Variants in SYNCRIP observed in about 807,000 individuals in gnomAD.
The protein encoded by SYNCRIP is synaptotagmin binding cytoplasmic RNA interacting protein, also known as heterogeneous nuclear ribonucleoprotein Q.
SYNCRIP carries 9 observed loss-of-function variants against 68.9 expected under a neutral mutation model. That is an observed-to-expected ratio of 0.13 (90% CI 0.08 to 0.23). The LOEUF (loss-of-function observed/expected upper bound fraction) is 0.23, where lower values mean the gene tolerates loss of function less well. SYNCRIP is among the 10% of genes least tolerant of loss of function. The pLI is 1.00. For synonymous variants in SYNCRIP, 258 were observed against 254.0 expected (o/e 1.02, Z -0.15); for missense variants, 414 against 770.6 (o/e 0.54, Z 5.48).
chr6:85,638,648 CACTA>C (rs756926007), intron 4 of SYNCRIP, among the ~76,000 whole-genome samples: 15 of 152,242 alleles, frequency 9.9e-5, no homozygotes, highest in African/African-American at 2.6e-4. Context: ...ACTCAAAGGA[CACTA>C]ACTGTTTATG....
chr6:85,634,366 G>A (rs1320528173), intron 6 of SYNCRIP, among the ~76,000 whole-genome samples: 1 of 152,118 alleles, frequency 6.6e-6, no homozygotes, highest in Non-Finnish European at 1.5e-5. Context: ...CATTTTGACG[G>A]CAAGAATTAG....
chr6:85,638,223 A>T (rs1161670753), intron 4 of SYNCRIP, among the ~76,000 whole-genome samples: 2 of 151,932 alleles, frequency 1.3e-5, no homozygotes, highest in Non-Finnish European at 2.9e-5. Context: ...AATACAAAAA[A>T]TTAGCCAGGC....
chr6:85,619,526 G>T, intron 8 of SYNCRIP, 109 bp from the exon 9 acceptor site: 5 of 956,376 alleles, frequency 5.2e-6, no homozygotes, highest in South Asian at 2.1e-5. Flanking sequence ...TTAGAAGAAT[G>T]TCAGAATATA....
chr6:85,638,381 A>C (rs1808720747), intron 4 of SYNCRIP, among the ~76,000 whole-genome samples: 2 of 18,030 alleles, frequency 1.1e-4, no homozygotes, highest in Non-Finnish European at 1.2e-4. Context: ...ACCCCATCTC[A>C]AAAAAAAAAA....
At chr6:85,616,552 A>T (rs2128279704) in intron 10 of SYNCRIP, among the ~76,000 whole-genome samples, 1 of 151,976 alleles carries the variant, frequency 6.6e-6, no homozygotes, top group Non-Finnish European at 1.5e-5. Flanking sequence ...TCGAACTCCT[A>T]ACCTCGAATG....
chr6:85,638,791 T>C (rs1808783773), intron 4 of SYNCRIP, among the ~76,000 whole-genome samples: 1 of 152,232 alleles, frequency 6.6e-6, no homozygotes, highest in South Asian at 2.1e-4. Context: ...TTTTTAACCT[T>C]AATAGTTAAG....
At chr6:85,612,975 T>C (rs1470726547), downstream of SYNCRIP, 25 of 1,535,696 alleles carry the variant, frequency 1.6e-5, no homozygotes, top group Non-Finnish European at 2.2e-5. Flanking sequence ...AAATTAATAA[T>C]GTGTACATAC....
At chr6:85,620,194 C>T (rs1032359322) in intron 8 of SYNCRIP, among the ~76,000 whole-genome samples, 12 of 152,110 alleles carry the variant, frequency 7.9e-5, no homozygotes, top group Admixed American at 5.9e-4. Context: ...TGCAGTAAGC[C>T]GAGATCGTGC....
chr6:85,643,686 G>C (rs1809477879), upstream of SYNCRIP: 1 of 148,408 alleles, frequency 6.7e-6, no homozygotes, highest in African/African-American at 2.5e-5. Context: ...TGCCCGGTCC[G>C]GGGCTGGCGG....
intron 4 of SYNCRIP, among the ~76,000 whole-genome samples, chr6:85,638,279 A>G (rs986994833): frequency 5.3e-5 from 8 of 150,064 alleles, no homozygotes; most frequent in African/African-American, 2.0e-4. Flanking sequence ...AGGCTGAGGC[A>G]GAGAACTGCT....
intron 8 of SYNCRIP, among the ~76,000 whole-genome samples, chr6:85,620,862 T>C (rs1444149730): frequency 6.6e-6 from 1 of 152,196 alleles, no homozygotes; most frequent in Non-Finnish European, 1.5e-5. Context: ...TTAGTAATTA[T>C]TTTGCAATAA....
Position 85,615,114 on chromosome 6 carries a change from C to A in SYNCRIP, c.1514G>T (p.Gly505Val). ...CCCACGACCTCTGGATGGAGCAGCA[C>A]CCCTTGCTCCTCTACCACCCCTTCC... is the stretch of plus-strand genomic sequence containing the variant. ...ARGRGGRGAR[G>V]AAPSRGRGAA... Residue 505 changes from glycine (G) to valine (V), a missense_variant, in exon 11 of 11, where the codon GGT (glycine) becomes GTT (valine). Gly to Val is a moderately radical substitution (Grantham distance 109). Transcript: ENST00000369622. The A allele has an allele frequency of 6.2e-7, 1 of 1,614,074 alleles. No homozygotes were observed. The highest frequency in any genetic ancestry group is 8.5e-7 in the Non-Finnish European group (1 of 1,180,026).
At chr6:85,636,735 A>G (rs369768903) in intron 6 of SYNCRIP, among the ~76,000 whole-genome samples, 5 of 152,232 alleles carry the variant, frequency 3.3e-5, no homozygotes, top group Admixed American at 1.3e-4. Context: ...CCAGATGTTT[A>G]TAAGAACCAA....
rs1209409274 is a variant in SYNCRIP at position 85,614,207 on chromosome 6, G to T, written c.*549C>A. 1 of 985,442 alleles carries T rather than the reference G, an allele frequency of 1.0e-6. No homozygotes were observed. Among genetic ancestry groups the T allele is most frequent in the African/African-American group, 1.7e-5 (1 of 57,222 alleles). 61.0% of individuals were successfully genotyped at this position (985,442 alleles called of 1,614,324 possible). Reference sequence around the variant, plus strand: ...AAAACGAATTGTAAACACAATTTTAGTAAGTATACATTTAGGTGTGAATTT... The same window carrying T: ...AAAACGAATTGTAAACACAATTTTATTAAGTATACATTTAGGTGTGAATTT... On this transcript the variant is annotated 3_prime_UTR_variant, in exon 11 of 11. Coordinates refer to ENST00000369622, the MANE Select transcript of SYNCRIP (RefSeq NM_006372.5).
Position 85,618,805 on chromosome 6 carries a change from A to G in SYNCRIP, c.1280+13T>C. ...AAATTTATACAATTTTTAAGTATAC[A>G]AATTTCACTCACATTTGATTTTTTG... On this transcript the variant is annotated intron_variant, in intron 10 of 10. Transcript: ENST00000369622. 6.3e-7 allele frequency: 1 copy of G among 1,579,812 alleles called. No individual in the cohort carries two copies. The highest frequency in any genetic ancestry group is 2.3e-5 in the East Asian group (1 of 43,544).
intron 6 of SYNCRIP, among the ~76,000 whole-genome samples, chr6:85,635,559 CAA>C (rs1808340802): frequency 6.6e-6 from 1 of 151,934 alleles, no homozygotes; most frequent in South Asian, 2.1e-4. Context: ...CTTCTGAGGT[CAA>C]GAGTTCATGA....
In SYNCRIP at chr6:85,614,331, T is replaced by C. The variant is rs1414271135; in HGVS notation, c.*425A>G. ...TTCTAAATTAAAAATAGCAGTTGTG[T>C]ATCAATTTACCTTATTCTAGCAATT... is the stretch of plus-strand genomic sequence containing the variant. On this transcript the variant is annotated 3_prime_UTR_variant, in exon 11 of 11. Coordinates refer to ENST00000369622, the MANE Select transcript of SYNCRIP (RefSeq NM_006372.5). 1.0e-6 allele frequency: 1 copy of C among 987,648 alleles called. No homozygotes were observed. The allele number at this position is 987,648 out of a possible 1,614,324, so 61.2% of individuals were successfully genotyped here.
At chr6:85,616,627 C>T (rs1280417686) in intron 10 of SYNCRIP, among the ~76,000 whole-genome samples, 1 of 152,170 alleles carries the variant, frequency 6.6e-6, no homozygotes, top group African/African-American at 2.4e-5. Flanking sequence ...GGATTACAGG[C>T]ATGAGCCACC....
At chr6:85,635,038 G>A (rs183187847) in intron 6 of SYNCRIP, among the ~76,000 whole-genome samples, 4 of 152,200 alleles carry the variant, frequency 2.6e-5, no homozygotes, top group East Asian at 3.9e-4. Flanking sequence ...GGTGGTACGC[G>A]CCTATTATCC....
Sources: allele counts gnomAD v4.1 joint callset (sites outside exome capture counted in the v4.1 genomes callset), GRCh38; gene constraint gnomAD v4.1.1; transcripts MANE v1.5; gene names NCBI Gene and HGNC (gene_info 2026-07-23, HGNC 2026-07-21).